Variants in HACD2 observed in about 807,000 individuals in gnomAD.
HACD2 encodes very-long-chain (3R)-3-hydroxyacyl-CoA dehydratase 2.
A neutral mutation model predicts 31.0 loss-of-function variants in HACD2; 15 were observed. That is an observed-to-expected ratio of 0.48 (90% confidence interval 0.32 to 0.75). The LOEUF is 0.75. Ranked by LOEUF, HACD2 falls within the 30% of genes least tolerant of loss-of-function variation. HACD2 has a pLI of 0.03. For missense variants in HACD2, 283 were observed against 313.0 expected (o/e 0.90, Z 0.72); for synonymous variants, 115 against 122.2 (o/e 0.94, Z 0.39).
At chr3:123,560,670 C>T (rs536968079) in intron 3 of HACD2, among the ~76,000 whole-genome samples, 9 of 152,316 alleles carry the variant, frequency 5.9e-5, no homozygotes, top group East Asian at 1.9e-4. Context: ...GTAGAAGCTG[C>T]GCCAGCCCCC....
intron 3 of HACD2, among the ~76,000 whole-genome samples, chr3:123,531,056 C>T (rs566342369): frequency 1.8e-4 from 27 of 150,276 alleles, no homozygotes; most frequent in African/African-American, 5.1e-4. Flanking sequence ...TTAGTAGAGA[C>T]GGGGTTTCAC....
At chr3:123,523,007 C>A (rs1313143561) in intron 4 of HACD2, among the ~76,000 whole-genome samples, 1 of 152,162 alleles carries the variant, frequency 6.6e-6, no homozygotes, top group Non-Finnish European at 1.5e-5. Context: ...CACCATGATA[C>A]CACGTTCACG....
At chr3:123,510,182 T>G (rs753967423) in intron 4 of HACD2, among the ~76,000 whole-genome samples, 7 of 152,188 alleles carry the variant, frequency 4.6e-5, no homozygotes, top group Non-Finnish European at 8.8e-5. Context: ...AGGTAACCAC[T>G]ATTCTATTTT....
intron 3 of HACD2, among the ~76,000 whole-genome samples, chr3:123,564,878 C>T (rs1051960249): frequency 2.6e-5 from 4 of 152,082 alleles, no homozygotes; most frequent in Non-Finnish European, 2.9e-5. Context: ...AGGATCCTGC[C>T]GCTGGGCTCT....
intron 3 of HACD2, among the ~76,000 whole-genome samples, chr3:123,552,232 G>A (rs1277597873): frequency 6.6e-6 from 1 of 152,130 alleles, no homozygotes; most frequent in African/African-American, 2.4e-5. Flanking sequence ...GGGATGCTAT[G>A]GCAATCTGAA....
At chr3:123,548,109 G>A (rs918284594) in intron 3 of HACD2, among the ~76,000 whole-genome samples, 5 of 152,050 alleles carry the variant, frequency 3.3e-5, no homozygotes, top group Non-Finnish European at 5.9e-5. Flanking sequence ...ATACGTCCAC[G>A]AATTCTTTGA....
intron 3 of HACD2, among the ~76,000 whole-genome samples, chr3:123,554,443 G>T (rs1576776148): frequency 6.6e-6 from 1 of 151,976 alleles, no homozygotes; most frequent in Non-Finnish European, 1.5e-5. Flanking sequence ...CAAGGCTAAA[G>T]TGTGCTATGA....
intron 4 of HACD2, 99 bp from the exon 5 acceptor site, chr3:123,502,780 C>G: frequency 7.9e-7 from 1 of 1,272,888 alleles, no homozygotes. Context: ...TCGGCACAGC[C>G]GCTGGTCTCT....
At chr3:123,572,744 A>G (rs2056868977) in intron 2 of HACD2, among the ~76,000 whole-genome samples, 1 of 152,212 alleles carries the variant, frequency 6.6e-6, no homozygotes, top group Admixed American at 6.5e-5. Context: ...AAGGTAAAAC[A>G]ATAACAACAA....
In HACD2 at chr3:123,527,639, G is replaced by C. The variant is rs570722791; in HGVS notation, c.381+747C>G. ...TGAAGCGAGACAGTAAAAGTTCTCA[G>C]CTTAATAACGAAACAAAACAAACTG... is the stretch of plus-strand genomic sequence containing the variant. On this transcript the variant is annotated intron_variant, in intron 4 of 6. Coordinates refer to ENST00000383657, the MANE Select transcript of HACD2 (RefSeq NM_198402.5). Among the ~76,000 whole-genome samples the C allele has an allele frequency of 3.5e-3, 539 of 152,286 alleles. 4 individuals carry two copies. Among genetic ancestry groups the C allele is most frequent in the African/African-American group, 0.012 (479 of 41,554 alleles).
intron 4 of HACD2, among the ~76,000 whole-genome samples, chr3:123,503,428 G>C (rs1456318533): frequency 6.6e-6 from 1 of 152,056 alleles, no homozygotes; most frequent in Non-Finnish European, 1.5e-5. Flanking sequence ...CATGATTAGG[G>C]AAGCTTCCAT....
intron 2 of HACD2, among the ~76,000 whole-genome samples, chr3:123,571,083 T>TCACTACTG (rs2056850994): frequency 6.6e-6 from 1 of 152,214 alleles, no homozygotes; most frequent in African/African-American, 2.4e-5. Flanking sequence ...TCAATGATTT[T>TCACTACTG]CACTACTGCG....
At chr3:123,526,246 A>C (rs2056281684) in intron 4 of HACD2, among the ~76,000 whole-genome samples, 1 of 152,236 alleles carries the variant, frequency 6.6e-6, no homozygotes. Context: ...CAGGCTTTTC[A>C]AGTTAGCTGT....
intron 3 of HACD2, among the ~76,000 whole-genome samples, chr3:123,546,979 C>CTT (rs2056567469): frequency 6.6e-6 from 1 of 152,036 alleles, no homozygotes; most frequent in Non-Finnish European, 1.5e-5. Flanking sequence ...AAAAAATTTG[C>CTT]TAGTATATTA....
At chr3:123,499,334 TCA>T (rs2055874760) in intron 6 of HACD2, 3 of 184,620 alleles carry the variant, frequency 1.6e-5, no homozygotes, top group Admixed American at 1.1e-4. Flanking sequence ...TTAGATGATT[TCA>T]CATTTATCAT....
Position 123,504,365 on chromosome 3 carries a change from T to C in HACD2, c.382-1684A>G, listed in dbSNP as rs550651740. 3.6e-4 allele frequency among the ~76,000 whole-genome samples: 55 copies of C among 152,330 alleles called. 1 individual carries two copies. The highest frequency in any genetic ancestry group is 7.7e-4 in the African/African-American group (32 of 41,574). On this transcript the variant is annotated intron_variant, in intron 4 of 6. Coordinates refer to ENST00000383657, the MANE Select transcript of HACD2 (RefSeq NM_198402.5). ...ATCTTCAAAGCAGGGAACGTGTTTA[T>C]TCATCTTCTGTTTTCCAAAAACACT... is the stretch of plus-strand genomic sequence containing the variant.
intron 4 of HACD2, among the ~76,000 whole-genome samples, chr3:123,521,854 G>A (rs1003821780): frequency 2.6e-5 from 4 of 152,164 alleles, no homozygotes; most frequent in Non-Finnish European, 5.9e-5. Flanking sequence ...TTAAGAAGAC[G>A]CTTGCTTGCT....
intron 3 of HACD2, among the ~76,000 whole-genome samples, chr3:123,541,892 C>T (rs2056494796): frequency 6.6e-6 from 1 of 152,060 alleles, no homozygotes; most frequent in African/African-American, 2.4e-5. Context: ...ATAAAGAATA[C>T]ATCCCAGCAC....
intron 5 of HACD2, among the ~76,000 whole-genome samples, chr3:123,501,834 G>T (rs1045375210): frequency 2.6e-5 from 4 of 152,076 alleles, no homozygotes; most frequent in Admixed American, 2.6e-4. Flanking sequence ...GGAAACAATC[G>T]GATTATGTCC....
Sources: gnomAD v4.1 joint callset for allele counts (sites outside exome capture counted in the v4.1 genomes callset) on GRCh38, gnomAD v4.1.1 for gene constraint, MANE v1.5 for transcripts, NCBI Gene and HGNC (gene_info 2026-07-23, HGNC 2026-07-21) for gene names.